The following IDO2 variants were observed in gnomAD, a reference collection of about 807,000 sequenced individuals.
IDO2 encodes the protein indoleamine 2,3-dioxygenase 2.
IDO2 carries 46 observed loss-of-function variants against 45.1 expected under a neutral mutation model. The ratio of observed to expected loss-of-function variants is 1.02; its 90% CI spans 0.80 to 1.30. The LOEUF is 1.30. Among genes scored for constraint, IDO2 ranks in the 50% most tolerant of loss-of-function variants. The pLI is 0.00. For synonymous variants in IDO2, 218 were observed against 184.9 expected, an observed-to-expected ratio of 1.18 and a Z score of -1.45; for missense variants, 544 against 491.8, an observed-to-expected ratio of 1.11 and a Z score of -1.00.
chr8:39,950,732 A>G (rs954520783), intron 2 of IDO2, among the ~76,000 whole-genome samples: 3 of 152,304 alleles, frequency 2.0e-5, no homozygotes, highest in East Asian at 1.9e-4. Context: ...ATCGGCTATT[A>G]GTTTAAAACT....
At chr8:39,955,106 T>G (rs905948142) in intron 2 of IDO2, among the ~76,000 whole-genome samples, 3 of 150,914 alleles carry the variant, frequency 2.0e-5, no homozygotes, top group South Asian at 2.1e-4. Context: ...GGGCTAGGGC[T>G]TCAGCATAGG....
intron 10 of IDO2, 91 bp from the exon 11 acceptor site, chr8:40,015,156 A>C: frequency 7.8e-6 from 5 of 644,948 alleles, no homozygotes; most frequent in South Asian, 6.2e-5. Flanking sequence ...TCTCATCTAG[A>C]GAAAAAAAAA....
At chr8:39,975,226 C>T (rs575441887) in intron 3 of IDO2, among the ~76,000 whole-genome samples, 1 of 146,830 alleles carries the variant, frequency 6.8e-6, no homozygotes, top group Non-Finnish European at 1.5e-5. Context: ...AGTGCATTGG[C>T]GTGATCTTGG....
At chr8:39,943,652 G>A (rs6983463) in intron 1 of IDO2, among the ~76,000 whole-genome samples, 61,960 of 150,002 alleles carry the variant, frequency 0.41, 12,915 homozygotes, top group East Asian at 0.58. Flanking sequence ...CAGGAGAATG[G>A]CGTGAACCCC....
chr8:39,989,811 A>C lies in IDO2; in HGVS notation c.640A>C (p.Ile214Leu), dbSNP rs757580645. The change falls in exon 8 of 11, where the codon ATC (isoleucine) becomes CTC (leucine). Residue 214 changes from isoleucine (I) to leucine (L), a missense_variant. Coordinates refer to ENST00000502986, the Ensembl canonical transcript of IDO2. ...GCGACTGAGACTGTCTATTCAGGAC[A>C]TCACCAAAACCTTAGGACAGATGCA... The C allele has an allele frequency of 5.4e-5, 86 of 1,600,758 alleles. No individual in the cohort carries two copies. The highest frequency in any genetic ancestry group is 6.4e-5 in the Non-Finnish European group (75 of 1,173,720).
chr8:39,979,134 G>C, exon 4 of IDO2: 1 of 1,603,334 alleles, frequency 6.2e-7, no homozygotes, highest in Non-Finnish European at 8.5e-7. Context: ...CTGGTCCTGA[G>C]CTTCCTCACC....
chr8:40,002,994 G>C (rs1403851583), intron 8 of IDO2, among the ~76,000 whole-genome samples: 1 of 152,042 alleles, frequency 6.6e-6, no homozygotes, highest in African/African-American at 2.4e-5. Context: ...TCTTCATATG[G>C]CTCAATATTC....
At chr8:39,962,280 G>C (rs1808010430) in intron 2 of IDO2, among the ~76,000 whole-genome samples, 1 of 152,140 alleles carries the variant, frequency 6.6e-6, no homozygotes, top group Non-Finnish European at 1.5e-5. Context: ...CATTTTCCAA[G>C]TGTATCTTTA....
chr8:39,978,149 G>A (rs554743155), intron 3 of IDO2, among the ~76,000 whole-genome samples: 1 of 152,340 alleles, frequency 6.6e-6, no homozygotes, highest in African/African-American at 2.4e-5. Flanking sequence ...GGACCAGCCT[G>A]AGGATACCCC....
chr8:39,961,898 T>A (rs191806422), intron 2 of IDO2, among the ~76,000 whole-genome samples: 1 of 152,174 alleles, frequency 6.6e-6, no homozygotes, highest in Non-Finnish European at 1.5e-5. Context: ...GGTTATGCAC[T>A]GAGAAAAAGA....
At chr8:39,983,311 C>T (rs556076650) in intron 5 of IDO2, among the ~76,000 whole-genome samples, 29 of 152,294 alleles carry the variant, frequency 1.9e-4, no homozygotes, top group Middle Eastern at 3.4e-3. Context: ...TTTTAACAAA[C>T]AAGAAATTCA....
chr8:39,936,187 C>T (rs1189077254), intron 1 of IDO2, among the ~76,000 whole-genome samples: 1 of 152,126 alleles, frequency 6.6e-6, no homozygotes, highest in East Asian at 1.9e-4. Flanking sequence ...GGATCTGGCT[C>T]TATTTTACAA....
intron 9 of IDO2, among the ~76,000 whole-genome samples, chr8:40,006,953 G>A (rs1330241490): frequency 1.3e-5 from 2 of 152,092 alleles, no homozygotes; most frequent in Non-Finnish European, 2.9e-5. Flanking sequence ...GAGCCACCAC[G>A]TCTGGCTGAT....
chr8:39,987,620 A>G (rs1319604980), intron 6 of IDO2: 1 of 432,962 alleles, frequency 2.3e-6, no homozygotes, highest in Non-Finnish European at 4.2e-6. Context: ...GAGATGGTCC[A>G]GGACCATTAG....
chr8:39,995,437 C>T (rs745807705), intron 8 of IDO2, among the ~76,000 whole-genome samples: 2 of 151,234 alleles, frequency 1.3e-5, no homozygotes, highest in Non-Finnish European at 1.5e-5. Context: ...CATGCCACCA[C>T]GCCCGGATAA....
intron 1 of IDO2, among the ~76,000 whole-genome samples, chr8:39,945,849 G>A (rs1404301595): frequency 6.6e-6 from 1 of 152,154 alleles, no homozygotes; most frequent in Admixed American, 6.5e-5. Context: ...TAACTTAATC[G>A]ATTCCGTCTT....
intron 1 of IDO2, among the ~76,000 whole-genome samples, chr8:39,944,802 C>T (rs1585394890): frequency 6.6e-6 from 1 of 152,108 alleles, no homozygotes; most frequent in Non-Finnish European, 1.5e-5. Flanking sequence ...AATCTAGTCC[C>T]TTCTTTGGGG....
chr8:39,936,904 G>A (rs1464992426), intron 1 of IDO2, among the ~76,000 whole-genome samples: 1 of 152,154 alleles, frequency 6.6e-6, no homozygotes, highest in South Asian at 2.1e-4. Context: ...GCAGTGTTAG[G>A]CCCCTAAGGC....
intron 3 of IDO2, among the ~76,000 whole-genome samples, chr8:39,978,086 AT>A: frequency 6.6e-6 from 1 of 152,304 alleles, no homozygotes; most frequent in East Asian, 1.9e-4. Flanking sequence ...ATGAGAGCTC[AT>A]TTTTGGGAGG....
Sources: gnomAD v4.1 joint callset for allele counts (sites outside exome capture counted in the v4.1 genomes callset) on GRCh38, gnomAD v4.1.1 for gene constraint, MANE v1.5 for transcripts, NCBI Gene and HGNC (gene_info 2026-07-23, HGNC 2026-07-21) for gene names.